The following OSBPL2 variants were observed in gnomAD, a reference collection of about 807,000 sequenced individuals.
OSBPL2 encodes oxysterol binding protein like 2, also known as oxysterol-binding protein-related protein 2.
In OSBPL2, 18 loss-of-function variants were observed where a neutral mutation model predicts 58.4. That is an observed-to-expected ratio of 0.31 (90% CI 0.21 to 0.46). OSBPL2 has a LOEUF of 0.46. Ranked by LOEUF, OSBPL2 falls within the 20% of genes least tolerant of loss-of-function variation. The pLI, the probability that OSBPL2 is intolerant of heterozygous loss-of-function variation, is 1.00. For missense variants in OSBPL2, 461 were observed against 616.5 expected, an observed-to-expected ratio of 0.75 and a Z score of 2.67; for synonymous variants, 221 against 234.1, an observed-to-expected ratio of 0.94 and a Z score of 0.51.
At chr20:62,250,873 G>A (rs187742654) in intron 1 of OSBPL2, among the ~76,000 whole-genome samples, 47 of 152,154 alleles carry the variant, frequency 3.1e-4, no homozygotes, top group African/African-American at 1.1e-3. Flanking sequence ...TGCAGTGAGC[G>A]GCGATTGTGC....
intron 12 of OSBPL2, among the ~76,000 whole-genome samples, chr20:62,289,762 G>A (rs372715323): frequency 1.3e-5 from 2 of 152,102 alleles, no homozygotes; most frequent in South Asian, 2.1e-4. Context: ...GAGATTAGGC[G>A]GTCATGGTGG....
chr20:62,257,978 G>A (rs556861213), intron 2 of OSBPL2, among the ~76,000 whole-genome samples: 2 of 152,194 alleles, frequency 1.3e-5, no homozygotes, highest in African/African-American at 2.4e-5. Context: ...GCCTCCCAAA[G>A]TGCTGGGATT....
rs573839503 is a variant in OSBPL2, at chr20:62,279,325, C to T, written c.660C>T (p.Thr220=). The change falls in exon 7 of 14, where the codon ACC becomes ACT. Residue 220 remains threonine, a synonymous_variant. Coordinates refer to ENST00000313733, the MANE Select transcript of OSBPL2 (RefSeq NM_144498.4). ...AGGCGGAGCCCCGAGGCACCATCAC[C>T]CTGGAGCTGCTCAAGTGAGTGTCGG... ...SVEAEPRGTI[T]LELLKHNEAY... is the part of the protein sequence containing the mutation. 81 of 1,614,214 alleles carry T rather than the reference C, an allele frequency of 5.0e-5. No individual in the cohort carries two copies. In the East Asian group the frequency reaches 9.8e-4, roughly 20 times the overall value.
At position 62,279,532 on chromosome 20, in the gene OSBPL2, G is replaced by A. The variant is rs551209992; in HGVS notation, c.674+193G>A. On this transcript the variant is annotated intron_variant, in intron 7 of 13. Transcript: ENST00000313733. ...CCGTGTTGCTGGGGTGCGTCCTCAC[G>A]TCTGCAGTTGGAATTCGCCCCCCTT... is the stretch of plus-strand genomic sequence containing the variant. The A allele has an allele frequency of 1.3e-4, 79 of 596,114 alleles. No homozygotes were observed. In the African/African-American group the frequency reaches 1.4e-3, roughly 10 times the overall value. The allele number at this position is 596,114 out of a possible 1,614,324, so 36.9% of individuals were successfully genotyped here.
At chr20:62,251,338 G>A (rs1320838397) in intron 1 of OSBPL2, among the ~76,000 whole-genome samples, 3 of 151,354 alleles carry the variant, frequency 2.0e-5, no homozygotes, top group Non-Finnish European at 4.4e-5. Flanking sequence ...ACAGACAGGC[G>A]TGAGCCACCA....
chr20:62,275,061 A>G (rs990928664), intron 6 of OSBPL2, among the ~76,000 whole-genome samples: 1 of 152,172 alleles, frequency 6.6e-6, no homozygotes, highest in Non-Finnish European at 1.5e-5. Context: ...CCCATACAAG[A>G]CAATAGCTGG....
At chr20:62,260,657 G>GTAGGT (rs1366601007) in intron 3 of OSBPL2, among the ~76,000 whole-genome samples, 1 of 152,094 alleles carries the variant, frequency 6.6e-6, no homozygotes, top group Non-Finnish European at 1.5e-5. Flanking sequence ...TCGTTTTCAT[G>GTAGGT]TAGGTAGAGT....
rs750158659 is a variant in OSBPL2, at chr20:62,263,642, G to A, written c.209G>A (p.Ser70Asn). ...ACATCGCTGCCGGCTCCCATGTTCA[G>A]CAGAAGCGACTTCAGCGTGTGGACC... ...HRTSLPAPMF[S>N]RSDFSVWTIL... Residue 70 changes from serine (S) to asparagine (N), a missense_variant, in exon 4 of 14, where the codon AGC (serine) becomes AAC (asparagine). By Grantham distance (46) the Ser-to-Asn change is conservative (BLOSUM62 1). Coordinates refer to ENST00000313733, the MANE Select transcript of OSBPL2 (RefSeq NM_144498.4). The A allele has an allele frequency of 6.2e-7, 1 of 1,614,188 alleles. No individual in the cohort carries two copies. The highest frequency in any genetic ancestry group is 2.2e-5 in the East Asian group (1 of 44,886).
intron 1 of OSBPL2, among the ~76,000 whole-genome samples, chr20:62,244,366 C>G (rs1979947644): frequency 6.6e-6 from 1 of 152,238 alleles, no homozygotes; most frequent in South Asian, 2.1e-4. Flanking sequence ...CAGAGATACA[C>G]AGCGGCGGCG....
At chr20:62,283,982 A>G (rs1982952874) in intron 9 of OSBPL2, 64 bp from the exon 10 acceptor site, 3 of 1,500,310 alleles carry the variant, frequency 2.0e-6, no homozygotes, top group Middle Eastern at 1.8e-4. Flanking sequence ...CCAGGGTGCC[A>G]CATGTTTAGA....
At chr20:62,246,124 T>A (rs2380129) in intron 1 of OSBPL2, among the ~76,000 whole-genome samples, 85,618 of 152,230 alleles carry the variant, frequency 0.56, 24,571 homozygotes, top group African/African-American at 0.7. Context: ...CAAAGCCCTC[T>A]GCTCTCGCTG....
At chr20:62,263,590 A>G (rs756890680) in intron 3 of OSBPL2, 26 bp from the exon 4 acceptor site, 2 of 1,603,194 alleles carry the variant, frequency 1.2e-6, no homozygotes, top group South Asian at 1.1e-5. Context: ...GAATTCACCC[A>G]CACGCACCCC....
rs1276749128 is a variant in OSBPL2 at position 62,289,348 on chromosome 20, G to A, written c.1249+18G>A. ...CAACATGGGTGCGTCCACGCAGTCA[G>A]AGGAGGAAGCTTGGGGCCAAGGACG... On this transcript the variant is annotated intron_variant, in intron 12 of 13. Transcript: ENST00000313733. 14 of 1,610,282 alleles carry A rather than the reference G, an allele frequency of 8.7e-6. No individual in the cohort carries two copies. The highest frequency in any genetic ancestry group is 1.7e-5 in the Admixed American group (1 of 59,538).
At chr20:62,243,229 G>T (rs908407778) in intron 1 of OSBPL2, among the ~76,000 whole-genome samples, 1 of 152,232 alleles carries the variant, frequency 6.6e-6, no homozygotes, top group Admixed American at 6.5e-5. Context: ...GAGCTCCTGC[G>T]AGTGCCCTGG....
At chr20:62,260,987 C>T (rs1382129402) in intron 3 of OSBPL2, among the ~76,000 whole-genome samples, 1 of 151,358 alleles carries the variant, frequency 6.6e-6, no homozygotes, top group Non-Finnish European at 1.5e-5. Flanking sequence ...AACACCCTGG[C>T]TCAAAAAATA....
intron 7 of OSBPL2, chr20:62,279,847 T>G: frequency 4.7e-6 from 3 of 634,634 alleles, no homozygotes; most frequent in Non-Finnish European, 5.9e-6. Context: ...GGGAGAGAGC[T>G]GAGAAGGAAG....
chr20:62,282,042 A>C (rs1982828031), intron 9 of OSBPL2, 163 bp downstream of exon 9: 1 of 466,660 alleles, frequency 2.1e-6, no homozygotes, highest in South Asian at 4.4e-5. Context: ...TTGTTTTGGA[A>C]AGACATTTTG....
rs1218243007 is a variant in OSBPL2, at chr20:62,259,988, T to A, written c.45T>A (p.Asp15Glu). The change falls in exon 3 of 14, where the codon GAT becomes GAA. Residue 15 changes from aspartate to glutamate, a missense_variant. By Grantham distance (45) the Asp-to-Glu change is conservative. This residue lies in a region of OSBPL2 where 80 missense variants were observed against 74.8 expected (regional missense o/e 1.07). Coordinates refer to ENST00000313733, the MANE Select transcript of OSBPL2 (RefSeq NM_144498.4). The part of the protein sequence containing the change: ...EEFFDAVTGF[D>E]SDNSSGEFSE... ...TTTTCTTGTCTCGCACAGGCTTTGA[T>A]TCTGATAACTCTTCTGGGGAATTTT... 1.2e-6 allele frequency: 2 copies of A among 1,613,838 alleles called. No homozygotes were observed. Among genetic ancestry groups the A allele is most frequent in the African/African-American group, 2.7e-5 (2 of 74,906 alleles).
intron 1 of OSBPL2, among the ~76,000 whole-genome samples, chr20:62,241,798 T>A (rs1322064034): frequency 2.0e-5 from 3 of 152,242 alleles, no homozygotes; most frequent in African/African-American, 7.2e-5. Context: ...CTCTCAGCAG[T>A]GCAGCAGTCA....
Sources: allele counts gnomAD v4.1 joint callset (sites outside exome capture counted in the v4.1 genomes callset), GRCh38; gene constraint gnomAD v4.1.1; regional missense constraint gnomAD v4.1.1; transcripts MANE v1.5; gene names NCBI Gene and HGNC (gene_info 2026-07-23, HGNC 2026-07-21).